IFT140: variants seen among roughly 807,000 people sequenced by gnomAD.
The protein encoded by IFT140 is intraflagellar transport 140.
Under a neutral mutation model 164.6 loss-of-function variants are expected in IFT140, and 133 were observed. The observed-to-expected ratio is 0.81, with a 90% CI of 0.70 to 0.93. IFT140 has a LOEUF of 0.93. Among genes scored for constraint, IFT140 ranks in the 40% least tolerant of loss-of-function variants. The probability of loss-of-function intolerance (pLI) is 0.00; values close to 1 mark genes in which losing one functional copy is unlikely to be tolerated. For missense variants in IFT140, 2,045 were observed against 1,972.3 expected (o/e 1.04, Z -0.70); for synonymous variants, 860 against 817.3 (o/e 1.05, Z -0.89).
chr16:1,510,809 C>G lies in IFT140; in HGVS notation c.*135G>C. 1.2e-6 allele frequency: 1 copy of G among 854,690 alleles called. No individual in the cohort carries two copies. Among genetic ancestry groups the G allele is most frequent in the South Asian group, 1.5e-5 (1 of 66,072 alleles). The allele number at this position is 854,690 out of a possible 1,614,324, so 52.9% of individuals were successfully genotyped here. A position where few individuals can be genotyped will look rare whatever the true frequency, so the allele number is the denominator to read the frequency against. ...CTCCGCCGGCCCGGGCCGCTGCGTT[C>G]TCGCCCAGCTCTGTCGCGTATTCCA... On this transcript the variant is annotated 3_prime_UTR_variant, in exon 31 of 31. Transcript: ENST00000426508.
At position 1,525,211 on chromosome 16, in the gene IFT140, G is replaced by C. The variant is rs748979662; in HGVS notation, c.2864+20C>G. ...TCCAGGATGGAGTGCGGTCCCACCA[G>C]CCCTGGTGGGGACACTCACTTATCC... On this transcript the variant is annotated intron_variant, in intron 22 of 30. Coordinates refer to ENST00000426508, the MANE Select transcript of IFT140 (RefSeq NM_014714.4). 1.3e-6 allele frequency: 2 copies of C among 1,570,456 alleles called. No homozygotes were observed. The highest frequency in any genetic ancestry group is 1.8e-6 in the Non-Finnish European group (2 of 1,142,840).
chr16:1,535,203 C>T (rs1033807571), intron 19 of IFT140, among the ~76,000 whole-genome samples: 2 of 152,004 alleles, frequency 1.3e-5, no homozygotes, highest in Non-Finnish European at 2.9e-5. Context: ...TCAGATGGGA[C>T]GCTGGAAAGG....
intron 19 of IFT140, chr16:1,541,887 C>A: frequency 6.4e-7 from 1 of 1,555,784 alleles, no homozygotes. Flanking sequence ...AGCCCACCTG[C>A]ACTCACCACT....
rs11648609 is a variant in IFT140, at chr16:1,566,200, C to T, written c.1862G>A (p.Arg621Gln). ...VFDFKTGQIDRRETLSFNEQE... is the reference protein window; with the variant it reads ...VFDFKTGQIDQRETLSFNEQE... ...CTCATTAAAGGACAGCGTCTCTCTCCGATCAATTTGTCCAGTCTTGAAGTC... is the reference window on the plus strand; with the variant it reads ...CTCATTAAAGGACAGCGTCTCTCTCTGATCAATTTGTCCAGTCTTGAAGTC... Residue 621 changes from arginine to glutamine, a missense_variant, in exon 16 of 31, where the codon CGG becomes CAG. Arg to Gln is a conservative substitution (Grantham distance 43). Coordinates refer to ENST00000426508, the MANE Select transcript of IFT140 (RefSeq NM_014714.4). The T allele has an allele frequency of 0.055, 89,503 of 1,613,408 alleles. 4,674 individuals carry two copies. Among genetic ancestry groups the T allele is most frequent in the Admixed American group, 0.27 (16,062 of 59,980 alleles).
intron 10 of IFT140, among the ~76,000 whole-genome samples, chr16:1,585,632 A>C (rs1376097888): frequency 1.3e-5 from 2 of 152,196 alleles, no homozygotes; most frequent in Non-Finnish European, 2.9e-5. Context: ...TAACTAATAC[A>C]GGTCCACAAT....
At position 1,607,056 on chromosome 16, in the gene IFT140, C is replaced by G. The variant is rs926501066; in HGVS notation, c.147+64G>C. 3 of 1,543,850 alleles carry G rather than the reference C, an allele frequency of 1.9e-6. No individual in the cohort carries two copies. In the Admixed American group the frequency reaches 5.1e-5, roughly 26 times the overall value. ...CACATGTGCACACACACAAGGACAA[C>G]AGCAACACAAACAACATGAGCCAGA... On this transcript the variant is annotated intron_variant, in intron 3 of 30. Coordinates refer to ENST00000426508, the MANE Select transcript of IFT140 (RefSeq NM_014714.4).
intron 18 of IFT140, among the ~76,000 whole-genome samples, chr16:1,560,585 G>A (rs1596366271): frequency 2.0e-5 from 3 of 150,838 alleles, no homozygotes; most frequent in Admixed American, 6.6e-5. Context: ...GCGGTCCACC[G>A]TGGTGGCTGC....
Position 1,568,299 on chromosome 16 carries a change from G to A in IFT140, c.1688C>T (p.Ala563Val), listed in dbSNP as rs968524691. The A allele has an allele frequency of 5.6e-6, 9 of 1,613,622 alleles. No individual in the cohort carries two copies. Among genetic ancestry groups the A allele is most frequent in the African/African-American group, 2.7e-5 (2 of 74,930 alleles). The change falls in exon 15 of 31, where the codon GCG (alanine) becomes GTG (valine). Residue 563 changes from alanine to valine, a missense_variant. Coordinates refer to ENST00000426508, the MANE Select transcript of IFT140 (RefSeq NM_014714.4). ...GCCCCCCACCCCAGGGACCAGCTCC[G>A]CCAGGCTCCTGCAGCTACAGTGTGC... ...AKAHCSCRSL[A>V]ELVPGVGGIA...
At chr16:1,535,644 G>C (rs1051486692) in intron 19 of IFT140, among the ~76,000 whole-genome samples, 3 of 152,176 alleles carry the variant, frequency 2.0e-5, no homozygotes, top group Admixed American at 6.5e-5. Flanking sequence ...AACCCTCAGC[G>C]GGGAATGTCA....
Position 1,584,329 on chromosome 16 carries a change from T to C in IFT140, c.1247A>G (p.Gln416Arg), listed in dbSNP as rs776521696. Reference protein sequence around the residue: ...ERAMSSHFHQQVAAMQVSPSL... With the variant: ...ERAMSSHFHQRVAAMQVSPSL... Reference sequence around the variant, plus strand: ...CGGGGAGACCTGCATGGCGGCCACTTGCTGGTGGAAGTGTGACGACATGGC... The same window carrying C: ...CGGGGAGACCTGCATGGCGGCCACTCGCTGGTGGAAGTGTGACGACATGGC... Residue 416 changes from glutamine to arginine, a missense_variant, in exon 11 of 31, where the codon CAA becomes CGA. Gln to Arg is a conservative substitution (Grantham distance 43, BLOSUM62 1). Transcript: ENST00000426508. 3 of 1,613,636 alleles carry C rather than the reference T, an allele frequency of 1.9e-6. No individual in the cohort carries two copies. The highest frequency in any genetic ancestry group is 2.5e-6 in the Non-Finnish European group (3 of 1,179,960).
At chr16:1,521,996 G>A (rs1447938078) in intron 26 of IFT140, among the ~76,000 whole-genome samples, 1 of 151,960 alleles carries the variant, frequency 6.6e-6, no homozygotes, top group Non-Finnish European at 1.5e-5. Context: ...GCCGAGGTAG[G>A]TAAATCACCT....
In IFT140 at chr16:1,518,068, G is replaced by A. The variant is rs1405446820; in HGVS notation, c.4182+148C>T. ...GCCCAGGCTGCTCTTGAACTCCTGG[G>A]CTCAAGTCATTCTCCTGCCTCAGCC... On this transcript the variant is annotated intron_variant, in intron 30 of 30. Coordinates refer to ENST00000426508, the MANE Select transcript of IFT140 (RefSeq NM_014714.4). The A allele has an allele frequency of 5.6e-6, 4 of 718,962 alleles. No homozygotes were observed. In the South Asian group the frequency reaches 7.6e-5, roughly 14 times the overall value. The allele number at this position is 718,962 out of a possible 1,614,324, so 44.5% of individuals were successfully genotyped here.
At position 1,551,156 on chromosome 16, in the gene IFT140, T is replaced by C. The variant is rs568596297; in HGVS notation, c.2399+6779A>G. 7.5e-4 allele frequency among the ~76,000 whole-genome samples: 114 copies of C among 152,312 alleles called. 1 individual carries two copies. Among genetic ancestry groups the C allele is most frequent in the African/African-American group, 2.6e-3 (108 of 41,578 alleles). ...CTCCTCAAACGATTAACTCAAAAAG[T>C]AATTGCGGAGAGACTTCTGGGAAGC... On this transcript the variant is annotated intron_variant, in intron 19 of 30. Transcript: ENST00000426508. This position sits in a 1 kb window ranked among gnomAD's most constrained non-coding sequence, Gnocchi z 4.0.
chr16:1,585,456 T>C (rs1446346039), intron 10 of IFT140, among the ~76,000 whole-genome samples: 1 of 152,226 alleles, frequency 6.6e-6, no homozygotes, highest in Non-Finnish European at 1.5e-5. Context: ...AGATTTTTTG[T>C]GGCGCTGAAA....
chr16:1,587,262 T>C lies in IFT140; in HGVS notation c.945A>G (p.Pro315=), dbSNP rs759222338. ...IERGENYILS[P]DEKFGFEKGE... is the part of the protein sequence containing the mutation. The stretch of plus-strand genomic sequence containing the variant: ...CTTTCTCAAAGCCAAACTTCTCATC[T>C]GGACTCAGTATATAATTCTCTCCTC... The change falls in exon 9 of 31, where the codon CCA becomes CCG. Residue 315 remains proline (P), a synonymous_variant. Transcript: ENST00000426508. The C allele has an allele frequency of 3.7e-6, 6 of 1,613,118 alleles. No homozygotes were observed. In the Admixed American group the frequency reaches 6.7e-5, roughly 18 times the overall value.
intron 24 of IFT140, 160 bp from the exon 25 acceptor site, chr16:1,524,116 G>GT: frequency 1.1e-6 from 1 of 934,536 alleles, no homozygotes; most frequent in East Asian, 2.7e-5. Flanking sequence ...GACTTACTGG[G>GT]TTTGTCTACA....
intron 18 of IFT140, among the ~76,000 whole-genome samples, chr16:1,560,720 T>A (rs933727681): frequency 8.5e-5 from 13 of 152,220 alleles, no homozygotes; most frequent in African/African-American, 3.1e-4. Flanking sequence ...TCGACCCACC[T>A]TGGGTTATAA....
intron 19 of IFT140, among the ~76,000 whole-genome samples, chr16:1,543,481 G>C (rs2031851249): frequency 6.6e-6 from 1 of 152,218 alleles, no homozygotes; most frequent in African/African-American, 2.4e-5. Flanking sequence ...GGGAAGGGAG[G>C]GGCCTCGAGG....
At position 1,587,266 on chromosome 16, in the gene IFT140, C is replaced by T. The variant is rs752670853; in HGVS notation, c.941G>A (p.Ser314Asn). The T allele has an allele frequency of 5.6e-6, 9 of 1,612,898 alleles. No homozygotes were observed. The highest frequency in any genetic ancestry group is 1.3e-5 in the African/African-American group (1 of 75,020). ...DIERGENYILSPDEKFGFEKG... is the reference protein window; with the variant it reads ...DIERGENYILNPDEKFGFEKG... ...CTCAAAGCCAAACTTCTCATCTGGA[C>T]TCAGTATATAATTCTCTCCTCGTTC... The change falls in exon 9 of 31, where the codon AGT becomes AAT. Residue 314 changes from serine to asparagine, a missense_variant. Physicochemically the swap from Ser to Asn is conservative, Grantham distance 46. Transcript: ENST00000426508.
Sources: allele counts gnomAD v4.1 joint callset (sites outside exome capture counted in the v4.1 genomes callset), GRCh38; gene constraint gnomAD v4.1.1; non-coding constraint Gnocchi (gnomAD v3.1); transcripts MANE v1.5; gene names NCBI Gene and HGNC (gene_info 2026-07-23, HGNC 2026-07-21).